Variants in CTNNA3 observed in about 807,000 individuals in gnomAD.
CTNNA3 encodes catenin alpha-3.
In CTNNA3, 76 loss-of-function variants were observed where a neutral mutation model predicts 95.7. The ratio of observed to expected loss-of-function variants is 0.79; its 90% CI spans 0.66 to 0.96. CTNNA3 has a LOEUF of 0.96. CTNNA3 is among the 40% of genes least tolerant of loss of function. The pLI is 0.00. For missense variants in CTNNA3, 1,191 were observed against 1,089.8 expected (o/e 1.09, Z -1.31); for synonymous variants, 431 against 374.4 (o/e 1.15, Z -1.74).
chr10:67,094,417 G>T (rs1857842827), intron 7 of CTNNA3, among the ~76,000 whole-genome samples: 1 of 151,586 alleles, frequency 6.6e-6, no homozygotes, highest in African/African-American at 2.4e-5. Flanking sequence ...ATACATGATA[G>T]CAATTGTATT....
intron 13 of CTNNA3, among the ~76,000 whole-genome samples, chr10:66,255,655 C>T (rs1464973530): frequency 6.6e-6 from 1 of 152,168 alleles, no homozygotes; most frequent in East Asian, 1.9e-4. Flanking sequence ...TAAACAGATA[C>T]TTTATCCTCC....
chr10:66,877,046 A>G (rs1844652994), intron 7 of CTNNA3, among the ~76,000 whole-genome samples: 1 of 152,078 alleles, frequency 6.6e-6, no homozygotes, highest in African/African-American at 2.4e-5. Flanking sequence ...CAGGACAGAG[A>G]AATGGACTGA....
chr10:66,139,117 C>T (rs1319247929), intron 13 of CTNNA3, among the ~76,000 whole-genome samples: 2 of 152,154 alleles, frequency 1.3e-5, no homozygotes, highest in East Asian at 3.9e-4. Flanking sequence ...GCAATGAAAT[C>T]TTTTACACCA....
At chr10:67,135,869 G>A (rs543129217) in intron 7 of CTNNA3, among the ~76,000 whole-genome samples, 1 of 152,184 alleles carries the variant, frequency 6.6e-6, no homozygotes, top group East Asian at 1.9e-4. Context: ...CCAATTATAT[G>A]TTTCTACTTT....
At chr10:67,666,740 C>T (rs1385314127) in intron 1 of CTNNA3, among the ~76,000 whole-genome samples, 2 of 152,048 alleles carry the variant, frequency 1.3e-5, no homozygotes, top group African/African-American at 4.8e-5. Flanking sequence ...AGTAAATGTG[C>T]TTAGAAATAT....
At chr10:67,178,991 C>A (rs1461492671) in intron 7 of CTNNA3, among the ~76,000 whole-genome samples, 1 of 152,060 alleles carries the variant, frequency 6.6e-6, no homozygotes, top group Non-Finnish European at 1.5e-5. Flanking sequence ...TGAGAGATTT[C>A]TGGTCAGGAA....
intron 1 of CTNNA3, among the ~76,000 whole-genome samples, chr10:67,708,220 C>A (rs1215995231): frequency 6.6e-6 from 1 of 152,130 alleles, no homozygotes; most frequent in African/African-American, 2.4e-5. Context: ...TGCTGTTAGT[C>A]AATAACCTTA....
rs141705690 is a variant in CTNNA3, at chr10:66,934,024, T to A, written c.1048-158500A>T. On this transcript the variant is annotated intron_variant, in intron 7 of 17. Transcript: ENST00000433211. ...TTCATAGGGTCATGAATGGACGCTC[T>A]TGAGTTAGGGATCCTGAACACGTGA... Among the ~76,000 whole-genome samples, 607 of 152,240 alleles carry A rather than the reference T, an allele frequency of 4.0e-3. 4 individuals are homozygous for A. Among genetic ancestry groups the A allele is most frequent in the African/African-American group, 0.014 (580 of 41,560 alleles).
At chr10:66,669,463 A>G (rs979839866) in intron 9 of CTNNA3, among the ~76,000 whole-genome samples, 1 of 152,092 alleles carries the variant, frequency 6.6e-6, no homozygotes, top group African/African-American at 2.4e-5. Flanking sequence ...GAATCACTTG[A>G]ACCGGGAGGC....
intron 7 of CTNNA3, among the ~76,000 whole-genome samples, chr10:67,072,173 C>T (rs1856502814): frequency 6.6e-6 from 1 of 152,098 alleles, no homozygotes; most frequent in Non-Finnish European, 1.5e-5. Context: ...AGGCTGGTCT[C>T]GAACTGCTGG....
At chr10:66,661,158 G>T (rs575525115) in intron 9 of CTNNA3, among the ~76,000 whole-genome samples, 2 of 151,894 alleles carry the variant, frequency 1.3e-5, no homozygotes, top group African/African-American at 4.8e-5. Flanking sequence ...TTTTCATTCT[G>T]CCAATTTTAG....
chr10:66,439,014 G>A (rs2131779488), intron 11 of CTNNA3, among the ~76,000 whole-genome samples: 1 of 152,164 alleles, frequency 6.6e-6, no homozygotes, highest in East Asian at 1.9e-4. Context: ...CACCCTCCAT[G>A]GGCTGCACCC....
chr10:66,788,828 T>G (rs549658159), intron 7 of CTNNA3, among the ~76,000 whole-genome samples: 1 of 152,276 alleles, frequency 6.6e-6, no homozygotes, highest in African/African-American at 2.4e-5. Context: ...TCACACTCAC[T>G]CATATACATT....
chr10:67,267,024 T>A (rs145205082), intron 5 of CTNNA3, among the ~76,000 whole-genome samples: 1,698 of 152,320 alleles, frequency 0.011, 10 homozygotes, highest in Middle Eastern at 0.024. Flanking sequence ...CATGCTTTTT[T>A]ACTTCAGATA....
At chr10:67,169,614 T>C (rs1406498895) in intron 7 of CTNNA3, among the ~76,000 whole-genome samples, 1 of 152,060 alleles carries the variant, frequency 6.6e-6, no homozygotes, top group African/African-American at 2.4e-5. Context: ...CCTTACACCA[T>C]ATACAAAAAT....
At chr10:66,018,036 TG>T (rs1038391049) in intron 15 of CTNNA3, among the ~76,000 whole-genome samples, 3 of 152,080 alleles carry the variant, frequency 2.0e-5, no homozygotes, top group African/African-American at 7.2e-5. Flanking sequence ...AGAAAATGAT[TG>T]GTCCTATAGA....
At chr10:66,388,462 C>T (rs184764284) in intron 11 of CTNNA3, among the ~76,000 whole-genome samples, 1 of 151,914 alleles carries the variant, frequency 6.6e-6, no homozygotes, top group African/African-American at 2.4e-5. Flanking sequence ...GATCTATATG[C>T]CCATGAATTT....
chr10:67,466,523 G>A (rs545224121), intron 5 of CTNNA3, among the ~76,000 whole-genome samples: 3 of 152,174 alleles, frequency 2.0e-5, no homozygotes, highest in Non-Finnish European at 4.4e-5. Context: ...GCCAAAAACT[G>A]AGACATATTT....
chr10:66,261,834 G>A (rs1457306934), intron 13 of CTNNA3, among the ~76,000 whole-genome samples: 1 of 151,840 alleles, frequency 6.6e-6, no homozygotes, highest in African/African-American at 2.4e-5. Context: ...AACATGAGAT[G>A]GTTTCTTCCT....
Sources: allele counts gnomAD v4.1 joint callset (sites outside exome capture counted in the v4.1 genomes callset), GRCh38; gene constraint gnomAD v4.1.1; transcripts MANE v1.5; gene names NCBI Gene and HGNC (gene_info 2026-07-23, HGNC 2026-07-21).